The following ESCO2 variants were observed in gnomAD, a reference collection of about 807,000 sequenced individuals.
ESCO2 encodes N-acetyltransferase ESCO2.
A neutral mutation model predicts 61.7 loss-of-function variants in ESCO2; 51 were observed. The ratio of observed to expected loss-of-function variants is 0.83; its 90% CI spans 0.66 to 1.04. The LOEUF is 1.04. Among genes scored for constraint, ESCO2 ranks in the 50% least tolerant of loss-of-function variants. The probability of loss-of-function intolerance (pLI) is 0.00; values close to 1 mark genes in which losing one functional copy is unlikely to be tolerated. For missense variants in ESCO2, 692 were observed against 686.2 expected (o/e 1.01, Z -0.09); for synonymous variants, 230 against 238.2 (o/e 0.97, Z 0.32).
At chr8:27,780,411 T>C (rs918650302) in intron 4 of ESCO2, 144 bp downstream of exon 4, 14 of 636,778 alleles carry the variant, frequency 2.2e-5, no homozygotes, top group South Asian at 3.8e-5. Flanking sequence ...TCTGTGACAC[T>C]GTTTTCTGTA....
downstream of ESCO2, chr8:27,809,657 C>CTATT (rs1303992714): frequency 6.6e-6 from 1 of 152,108 alleles, no homozygotes; most frequent in East Asian, 1.9e-4. Flanking sequence ...CTTTATCATC[C>CTATT]TATTTGAGTT....
rs1563477243 is a variant in ESCO2 at position 27,792,686 on chromosome 8, CTTG to C, written c.1376_1378del (p.Val459del). ...TCATTAGGTAGAAGATGTCCAAGAA[CTTG>C]TTGATAATGAATTGGGCTTCCAGCA... is the stretch of plus-strand genomic sequence containing the variant. On this transcript the variant is annotated inframe_deletion, in exon 9 of 11. Transcript: ENST00000305188. 1 of 1,612,612 alleles carries C rather than the reference CTTG, an allele frequency of 6.2e-7. No individual in the cohort carries two copies. The highest frequency in any genetic ancestry group is 1.1e-5 in the South Asian group (1 of 90,698).
downstream of ESCO2, among the ~76,000 whole-genome samples, chr8:27,809,157 G>C (rs961390576): frequency 6.6e-6 from 1 of 152,194 alleles, no homozygotes; most frequent in African/African-American, 2.4e-5. Context: ...AGTGACACAT[G>C]TCAGAGTGAG....
At chr8:27,772,549 G>A (rs1330105961), upstream of ESCO2, 2 of 1,549,162 alleles carry the variant, frequency 1.3e-6, no homozygotes, top group African/African-American at 2.7e-5. Flanking sequence ...ATGATCCCGG[G>A]AGCGGTGCGG....
At chr8:27,816,567 G>A (rs1463554333), downstream of ESCO2, among the ~76,000 whole-genome samples, 6 of 151,254 alleles carry the variant, frequency 4.0e-5, no homozygotes, top group African/African-American at 7.3e-5. Context: ...TAGTAGAGAC[G>A]GGGTTTCACT....
At position 27,788,001 on chromosome 8, in the gene ESCO2, T is replaced by C; in HGVS notation, c.1130T>C (p.Ile377Thr). 6.2e-7 allele frequency: 1 copy of C among 1,604,656 alleles called. No homozygotes were observed. Among genetic ancestry groups the C allele is most frequent in the Non-Finnish European group, 8.5e-7 (1 of 1,171,600 alleles). ...TSKKTKDQLI[I>T]DAGQKHFGAT... ...AAAAAAACAAAAGACCAGCTCATCA[T>C]CGTGAGTAAATTCCAAACAAAGCTT... Residue 377 changes from isoleucine to threonine, a missense_variant and splice_region_variant, in exon 6 of 11, where the codon ATC (isoleucine) becomes ACC (threonine). Physicochemically the swap from Ile to Thr is moderately conservative, Grantham distance 89. Coordinates refer to ENST00000305188, the MANE Select transcript of ESCO2 (RefSeq NM_001017420.3).
intron 3 of ESCO2, chr8:27,778,013 A>G (rs1297673378): frequency 6.6e-6 from 1 of 152,246 alleles, no homozygotes; most frequent in African/African-American, 2.4e-5. Context: ...ATTGGTGGCC[A>G]GTAAACCAAA....
At chr8:27,798,186 G>A (rs937694576) in intron 9 of ESCO2, among the ~76,000 whole-genome samples, 5 of 152,276 alleles carry the variant, frequency 3.3e-5, no homozygotes, top group Admixed American at 6.5e-5. Context: ...TAGGCCAGGC[G>A]CAGTGGCTCA....
intron 4 of ESCO2, 47 bp downstream of exon 4, chr8:27,780,314 TTACA>T: frequency 8.8e-7 from 1 of 1,132,032 alleles, no homozygotes; most frequent in Non-Finnish European, 1.3e-6. Flanking sequence ...TAATGCTTTA[TTACA>T]TACATTATAC....
intron 7 of ESCO2, among the ~76,000 whole-genome samples, chr8:27,790,496 C>A (rs1273987594): frequency 6.6e-6 from 1 of 152,090 alleles, no homozygotes; most frequent in Non-Finnish European, 1.5e-5. Flanking sequence ...ATATTTTCTG[C>A]ATATACAAGC....
At chr8:27,774,532 T>G (rs937172582), upstream of ESCO2, 2 of 152,230 alleles carry the variant, frequency 1.3e-5, no homozygotes, top group Admixed American at 6.5e-5. Flanking sequence ...CCTCCTAGCC[T>G]GGCGCGCGAT....
intron 9 of ESCO2, among the ~76,000 whole-genome samples, chr8:27,794,999 G>A (rs28775403): frequency 0.14 from 21,265 of 152,034 alleles, 1,788 homozygotes; most frequent in East Asian, 0.34. Context: ...TGCTTTGGCC[G>A]TTTGGAATCT....
At position 27,786,472 on chromosome 8, in the gene ESCO2, C is replaced by T. The variant is rs527426394; in HGVS notation, c.1014-1413C>T. The stretch of plus-strand genomic sequence containing the variant: ...CAGCATTCCTTCTGGGTGGCAGATG[C>T]AGTTTGTCAGTTTGCCAACAACCTG... On this transcript the variant is annotated intron_variant, in intron 5 of 10. Coordinates refer to ENST00000305188, the MANE Select transcript of ESCO2 (RefSeq NM_001017420.3). Among the ~76,000 whole-genome samples, 148 of 152,304 alleles carry T rather than the reference C, an allele frequency of 9.7e-4. 2 individuals carry two copies. The South Asian group carries it at 0.026, about 26-fold the overall frequency.
At chr8:27,799,480 T>C in intron 9 of ESCO2, 61 bp from the exon 10 acceptor site, 1 of 1,560,312 alleles carries the variant, frequency 6.4e-7, no homozygotes, top group Non-Finnish European at 8.8e-7. Context: ...GGAATTTTTT[T>C]TTAAAGCAGT....
chr8:27,819,415 TATATTTTCTA>T, the ESCO2 span, among the ~76,000 whole-genome samples: 3 of 152,162 alleles, frequency 2.0e-5, no homozygotes, highest in Non-Finnish European at 2.9e-5. Flanking sequence ...GTTATATTCT[TATATTTTCTA>T]AATATTTTAT....
the ESCO2 span, among the ~76,000 whole-genome samples, chr8:27,818,184 G>T: frequency 0.17 from 25,832 of 152,086 alleles, 2,861 homozygotes; most frequent in East Asian, 0.37. Flanking sequence ...CTTGGTTGTT[G>T]TAAGTCACTG....
At chr8:27,772,583 G>T, upstream of ESCO2, 1 of 1,541,194 alleles carries the variant, frequency 6.5e-7, no homozygotes, top group Non-Finnish European at 8.8e-7. Context: ...GAGCAGCAGC[G>T]CTCAACTCAC....
chr8:27,790,714 A>G (rs1805156803), intron 7 of ESCO2, among the ~76,000 whole-genome samples: 1 of 152,200 alleles, frequency 6.6e-6, no homozygotes, highest in Admixed American at 6.5e-5. Flanking sequence ...TTTTTTCAAG[A>G]CATAGTGTTA....
upstream of ESCO2, chr8:27,774,430 C>T (rs1804732683): frequency 6.6e-6 from 1 of 152,150 alleles, no homozygotes; most frequent in African/African-American, 2.4e-5. Context: ...GAAACAGCCA[C>T]CAGGGTGGGC....
Sources: allele counts gnomAD v4.1 joint callset (sites outside exome capture counted in the v4.1 genomes callset), GRCh38; gene constraint gnomAD v4.1.1; transcripts MANE v1.5; gene names NCBI Gene and HGNC (gene_info 2026-07-23, HGNC 2026-07-21).